Variants in CHST12 observed in about 807,000 individuals in gnomAD.
CHST12 encodes the protein carbohydrate sulfotransferase 12, also known as carbohydrate (chondroitin 4) sulfotransferase 12.
Under a neutral mutation model 27.9 loss-of-function variants are expected in CHST12, and 23 were observed. That is an observed-to-expected ratio of 0.82 (90% CI 0.59 to 1.17). The LOEUF (loss-of-function observed/expected upper bound fraction) is 1.17. Ranked by LOEUF, CHST12 falls within the 50% of genes most tolerant of loss-of-function variation. The probability of loss-of-function intolerance (pLI) is 0.00; values close to 1 mark genes in which losing one functional copy is unlikely to be tolerated. For missense variants in CHST12, 682 were observed against 603.0 expected (o/e 1.13, Z -1.37); for synonymous variants, 322 against 273.0 (o/e 1.18, Z -1.77).
At chr7:2,428,501 C>T (rs1004158768) in intron 1 of CHST12, among the ~76,000 whole-genome samples, 3 of 152,076 alleles carry the variant, frequency 2.0e-5, no homozygotes, top group Admixed American at 6.6e-5. Flanking sequence ...AAGCTGGGTC[C>T]GGGGGGTGAC....
At position 2,432,883 on chromosome 7, in the gene CHST12, G is replaced by C. The variant is rs17132393; in HGVS notation, c.244G>C (p.Asp82His). The C allele has an allele frequency of 6.2e-7, 1 of 1,613,570 alleles. No homozygotes were observed. Among genetic ancestry groups the C allele is most frequent in the African/African-American group, 1.3e-5 (1 of 75,048 alleles). ...TCTCAGTGCTGGCGTGAAGCAGAGC[G>C]ACCTTCCCAGAAAGGAGACGGAGCA... ...KFLSAGVKQS[D>H]LPRKETEQPP... The change falls in exon 2 of 2, where the codon GAC becomes CAC. Residue 82 changes from aspartate to histidine, a missense_variant. Physicochemically the swap from Asp to His is moderately conservative, Grantham distance 81. Coordinates refer to ENST00000618655, the MANE Select transcript of CHST12 (RefSeq NM_018641.5).
At chr7:2,411,796 C>T (rs1781674742) in intron 1 of CHST12, among the ~76,000 whole-genome samples, 1 of 152,200 alleles carries the variant, frequency 6.6e-6, no homozygotes, top group Admixed American at 6.5e-5. Context: ...ATTGATTTAA[C>T]TCTTAAGTCA....
At chr7:2,423,444 G>T (rs573663412) in intron 1 of CHST12, among the ~76,000 whole-genome samples, 56 of 152,158 alleles carry the variant, frequency 3.7e-4, no homozygotes, top group African/African-American at 1.3e-3. Flanking sequence ...CAGCAGCGGG[G>T]GCCGTGGAGA....
chr7:2,411,652 G>A (rs1781670110), intron 1 of CHST12, among the ~76,000 whole-genome samples: 1 of 152,014 alleles, frequency 6.6e-6, no homozygotes, highest in Non-Finnish European at 1.5e-5. Context: ...ACCACACCCA[G>A]CTACTTTTTG....
Position 2,434,110 on chromosome 7 carries a change from C to CCGCCCGCCCGCCCGCT in CHST12, c.*227_*228insGCCCGCCCGCCCGCTC, listed in dbSNP as rs1318063571. ...AATATCCCCTCTCCCCTCCGCCCGC[C>CCGCCCGCCCGCCCGCT]CACCCGCCCGCCCGCTCGCCCGCTC... On this transcript the variant is annotated 3_prime_UTR_variant, in exon 2 of 2. Coordinates refer to ENST00000618655, the MANE Select transcript of CHST12 (RefSeq NM_018641.5). 53 of 378,840 alleles carry CCGCCCGCCCGCCCGCT rather than the reference C, an allele frequency of 1.4e-4. No homozygotes were observed. The highest frequency in any genetic ancestry group is 8.6e-4 in the African/African-American group (32 of 37,150). 23.5% of individuals were successfully genotyped at this position (378,840 alleles called of 1,614,324 possible). A position where few individuals can be genotyped will look rare whatever the true frequency, so the allele number is the denominator to read the frequency against.
Position 2,439,554 on chromosome 7 carries a change from GGCA to G in CHST12, c.*5671_*5673del. ...AGCCTCCCAAGTAGCTGGGACTACA[GGCA>G]TGCACCACCATGCCCGGCTAATTTT... On this transcript the variant is annotated 3_prime_UTR_variant, in exon 2 of 2. Coordinates refer to ENST00000618655, the MANE Select transcript of CHST12 (RefSeq NM_018641.5). 1.3e-5 allele frequency: 2 copies of G among 151,898 alleles called. No individual in the cohort carries two copies. The highest frequency in any genetic ancestry group is 6.6e-5 in the Admixed American group (1 of 15,248). 9.4% of individuals were successfully genotyped at this position (151,898 alleles called of 1,614,324 possible). A position where few individuals can be genotyped will look rare whatever the true frequency, so the allele number is the denominator to read the frequency against.
chr7:2,424,878 G>C (rs986826833), intron 1 of CHST12, among the ~76,000 whole-genome samples: 2 of 152,126 alleles, frequency 1.3e-5, no homozygotes, highest in African/African-American at 4.8e-5. Flanking sequence ...TTGTAATCAG[G>C]GTGCCCCCGT....
chr7:2,417,519 A>G (rs1781842899), intron 1 of CHST12, among the ~76,000 whole-genome samples: 1 of 150,656 alleles, frequency 6.6e-6, no homozygotes, highest in African/African-American at 2.4e-5. Context: ...CCTCCCATGT[A>G]GCTGGAATTA....
chr7:2,418,469 G>A (rs1367220772), intron 1 of CHST12, among the ~76,000 whole-genome samples: 2 of 152,226 alleles, frequency 1.3e-5, no homozygotes, highest in African/African-American at 4.8e-5. Context: ...CGGGTTATAC[G>A]TCTGTTCATC....
chr7:2,422,523 G>C (rs577956647), intron 1 of CHST12, among the ~76,000 whole-genome samples: 1 of 151,912 alleles, frequency 6.6e-6, no homozygotes, highest in Non-Finnish European at 1.5e-5. Flanking sequence ...GGGATTACAG[G>C]CGTGAGCCAC....
chr7:2,431,118 G>A (rs1465687652), intron 1 of CHST12, among the ~76,000 whole-genome samples: 1 of 152,164 alleles, frequency 6.6e-6, no homozygotes, highest in Admixed American at 6.6e-5. Flanking sequence ...TTGTGGATTT[G>A]TCTGTTTATC....
At chr7:2,405,597 C>T (rs1470450970) in intron 1 of CHST12, among the ~76,000 whole-genome samples, 1 of 151,982 alleles carries the variant, frequency 6.6e-6, no homozygotes, top group Non-Finnish European at 1.5e-5. Context: ...TGCCTCTGGG[C>T]AGTGGAGCTG....
chr7:2,403,469 G>GGGCGCA (rs1781434811), upstream of CHST12: 1 of 152,010 alleles, frequency 6.6e-6, no homozygotes, highest in South Asian at 1.8e-4. Flanking sequence ...CGGGCTGGCC[G>GGGCGCA]GGCGCAGGCG....
chr7:2,427,624 G>T (rs538472777), intron 1 of CHST12, among the ~76,000 whole-genome samples: 1 of 152,168 alleles, frequency 6.6e-6, no homozygotes, highest in South Asian at 2.1e-4. Context: ...TAGGGTGTTT[G>T]TAGATGCCCT....
At position 2,435,680 on chromosome 7, in the gene CHST12, T is replaced by C. The variant is rs1278208626; in HGVS notation, c.*1796T>C. On this transcript the variant is annotated 3_prime_UTR_variant, in exon 2 of 2. Coordinates refer to ENST00000618655, the MANE Select transcript of CHST12 (RefSeq NM_018641.5). The stretch of plus-strand genomic sequence containing the variant: ...TTGGGACATACCCTGGTGTCCTCTG[T>C]GTGTGGTGTCCCTGTGTTTCCCAGG... 3.3e-5 allele frequency: 5 copies of C among 152,402 alleles called. No individual in the cohort carries two copies. The highest frequency in any genetic ancestry group is 2.4e-5 in the African/African-American group (1 of 41,466). 9.4% of individuals were successfully genotyped at this position (152,402 alleles called of 1,614,324 possible).
intron 1 of CHST12, among the ~76,000 whole-genome samples, chr7:2,407,609 T>G (rs929782494): frequency 2.0e-5 from 3 of 152,030 alleles, no homozygotes; most frequent in African/African-American, 7.2e-5. Context: ...ATCCTTCACT[T>G]TCATAGCCTC....
At position 2,441,901 on chromosome 7, in the gene CHST12, G is replaced by A. The variant is rs142317524; in HGVS notation, c.*8017G>A. 120 of 152,134 alleles carry A rather than the reference G, an allele frequency of 7.9e-4. No homozygotes were observed. Among genetic ancestry groups the A allele is most frequent in the African/African-American group, 1.4e-3 (57 of 41,488 alleles). The allele number at this position is 152,134 out of a possible 1,614,324, so 9.4% of individuals were successfully genotyped here. On this transcript the variant is annotated 3_prime_UTR_variant, in exon 2 of 2. Coordinates refer to ENST00000618655, the MANE Select transcript of CHST12 (RefSeq NM_018641.5). Reference sequence around the variant, plus strand: ...GTAAGATACATGCAACATAAAATGTGCCCTCTTCCCCATTTTTAAGTGAAC... The same window carrying A: ...GTAAGATACATGCAACATAAAATGTACCCTCTTCCCCATTTTTAAGTGAAC...
chr7:2,424,459 G>T (rs557952539), intron 1 of CHST12, among the ~76,000 whole-genome samples: 6 of 152,184 alleles, frequency 3.9e-5, no homozygotes, highest in Non-Finnish European at 8.8e-5. Flanking sequence ...TGAAGGGTCA[G>T]GCAGTGGCTT....
chr7:2,429,461 T>A (rs1782217619), intron 1 of CHST12, among the ~76,000 whole-genome samples: 2 of 152,214 alleles, frequency 1.3e-5, no homozygotes, highest in Non-Finnish European at 2.9e-5. Flanking sequence ...TGTAAGAGAT[T>A]GTATAAAATT....
Sources: gnomAD v4.1 joint callset for allele counts (sites outside exome capture counted in the v4.1 genomes callset) on GRCh38, gnomAD v4.1.1 for gene constraint, MANE v1.5 for transcripts, NCBI Gene and HGNC (gene_info 2026-07-23, HGNC 2026-07-21) for gene names.